WWOX: variants seen among roughly 807,000 people sequenced by gnomAD.
The protein encoded by WWOX is WW domain-containing oxidoreductase.
In WWOX, 69 loss-of-function variants were observed where a neutral mutation model predicts 46.2. The ratio of observed to expected loss-of-function variants is 1.49; its 90% CI spans 1.23 to 1.82. WWOX has a LOEUF of 1.82. Ranked by LOEUF, WWOX falls within the 40% of genes most tolerant of loss-of-function variation. The pLI is 0.00. For synonymous variants in WWOX, 359 were observed against 202.6 expected, an observed-to-expected ratio of 1.77 and a Z score of -6.56; for missense variants, 919 against 542.6, an observed-to-expected ratio of 1.69 and a Z score of -6.89.
intron 4 of WWOX, among the ~76,000 whole-genome samples, chr16:78,141,642 C>G (rs536209049): frequency 6.6e-6 from 1 of 152,176 alleles, no homozygotes; most frequent in African/African-American, 2.4e-5. Flanking sequence ...AGACATACTT[C>G]CATTAAATAC....
intron 8 of WWOX, among the ~76,000 whole-genome samples, chr16:78,683,319 C>T (rs544028023): frequency 1.5e-5 from 2 of 136,210 alleles, no homozygotes; most frequent in African/African-American, 5.2e-5. Flanking sequence ...GGGTGGATTG[C>T]CTGAGCTCAG....
intron 8 of WWOX, among the ~76,000 whole-genome samples, chr16:79,144,311 A>G (rs2050145596): frequency 6.6e-6 from 1 of 152,170 alleles, no homozygotes; most frequent in African/African-American, 2.4e-5. Context: ...AGTCCCTTCA[A>G]CTGATAGATG....
intron 8 of WWOX, among the ~76,000 whole-genome samples, chr16:78,984,106 C>G (rs2046737854): frequency 6.6e-6 from 1 of 152,072 alleles, no homozygotes; most frequent in Admixed American, 6.5e-5. Context: ...TCTCGATCTC[C>G]TGACCTCGTG....
At chr16:78,308,962 C>G (rs1487458051) in intron 5 of WWOX, among the ~76,000 whole-genome samples, 1 of 152,158 alleles carries the variant, frequency 6.6e-6, no homozygotes, top group Non-Finnish European at 1.5e-5. Flanking sequence ...ACTCCTTTAA[C>G]CAATTTCCAA....
chr16:78,455,894 T>C (rs1353704909), intron 8 of WWOX, among the ~76,000 whole-genome samples: 2 of 152,166 alleles, frequency 1.3e-5, no homozygotes, highest in Non-Finnish European at 2.9e-5. Context: ...ATTTTTACAT[T>C]ATTTTAACTA....
chr16:78,334,833 TAC>T (rs907694061), intron 5 of WWOX, among the ~76,000 whole-genome samples: 102 of 104,496 alleles, frequency 9.8e-4, no homozygotes, highest in East Asian at 6.3e-3. Context: ...CACACACACA[TAC>T]ACACACACAC....
intron 8 of WWOX, among the ~76,000 whole-genome samples, chr16:78,478,137 A>T (rs1303021952): frequency 3.3e-5 from 5 of 152,224 alleles, no homozygotes; most frequent in African/African-American, 9.6e-5. Context: ...AAAACACAGC[A>T]AGGTATGTAC....
chr16:78,964,091 C>T (rs966897655), intron 8 of WWOX, among the ~76,000 whole-genome samples: 1 of 152,164 alleles, frequency 6.6e-6, no homozygotes, highest in African/African-American at 2.4e-5. Context: ...CAGGTTATGT[C>T]TTTATCAGCA....
Position 79,212,264 on chromosome 16 carries a change from A to C in WWOX, c.*468A>C. On this transcript the variant is annotated 3_prime_UTR_variant, in exon 9 of 9. Coordinates refer to ENST00000566780, the MANE Select transcript of WWOX (RefSeq NM_016373.4). ...CATTGATCCAGGAGATAATTGTTTC[A>C]TTCATCCTGACCAAGACTGAGCCAG... 2 of 1,282,666 alleles carry C rather than the reference A, an allele frequency of 1.6e-6. No individual in the cohort carries two copies. Among genetic ancestry groups the C allele is most frequent in the Non-Finnish European group, 2.1e-6 (2 of 962,450 alleles). The allele number at this position is 1,282,666 out of a possible 1,614,324, so 79.5% of individuals were successfully genotyped here.
chr16:78,361,353 C>G (rs560936802), intron 5 of WWOX, among the ~76,000 whole-genome samples: 75 of 152,262 alleles, frequency 4.9e-4, no homozygotes, highest in Middle Eastern at 6.8e-3. Context: ...GTGATGTCTG[C>G]TGAGTTTTTC....
At chr16:78,933,367 A>G (rs1300806470) in intron 8 of WWOX, among the ~76,000 whole-genome samples, 1 of 152,220 alleles carries the variant, frequency 6.6e-6, no homozygotes, top group Non-Finnish European at 1.5e-5. Context: ...CGAACCCAGG[A>G]GGCTGAGGTT....
intron 8 of WWOX, among the ~76,000 whole-genome samples, chr16:78,573,858 C>G (rs2044780597): frequency 6.6e-6 from 1 of 152,216 alleles, no homozygotes; most frequent in South Asian, 2.1e-4. Context: ...AATTTTGCAG[C>G]TTAAAACAGC....
chr16:79,209,733 A>G (rs1281944627), intron 8 of WWOX, among the ~76,000 whole-genome samples: 1 of 152,314 alleles, frequency 6.6e-6, no homozygotes, highest in South Asian at 2.1e-4. Flanking sequence ...GAGCATCTCA[A>G]TTCTCCAATT....
At chr16:78,198,749 A>T (rs1052765057) in intron 5 of WWOX, among the ~76,000 whole-genome samples, 2 of 152,020 alleles carry the variant, frequency 1.3e-5, no homozygotes, top group African/African-American at 4.8e-5. Flanking sequence ...GTAACTTCAG[A>T]TTTTGTATAT....
At chr16:78,160,035 CT>C (rs1313529403) in intron 4 of WWOX, among the ~76,000 whole-genome samples, 1 of 151,606 alleles carries the variant, frequency 6.6e-6, no homozygotes, top group Non-Finnish European at 1.5e-5. Context: ...CTTTTTTTCT[CT>C]GTATTTTATG....
chr16:79,133,466 G>A (rs183959838), intron 8 of WWOX, among the ~76,000 whole-genome samples: 9 of 152,270 alleles, frequency 5.9e-5, no homozygotes, highest in Admixed American at 2.0e-4. Flanking sequence ...GAACGAGTAC[G>A]GTCTCTAACA....
intron 8 of WWOX, among the ~76,000 whole-genome samples, chr16:78,852,110 A>T (rs139844415): frequency 6.6e-6 from 1 of 152,178 alleles, no homozygotes; most frequent in Non-Finnish European, 1.5e-5. Context: ...TTTTGAGGTC[A>T]TTTTGTTGTT....
chr16:78,425,625 A>G (rs1350224454), intron 7 of WWOX, among the ~76,000 whole-genome samples: 1 of 152,194 alleles, frequency 6.6e-6, no homozygotes, highest in Admixed American at 6.5e-5. Context: ...AGAATATTCA[A>G]TTGACTGAAA....
chr16:79,110,120 T>C (rs945151732), intron 8 of WWOX, among the ~76,000 whole-genome samples: 6 of 152,172 alleles, frequency 3.9e-5, no homozygotes, highest in African/African-American at 1.2e-4. Context: ...GGACCCCCAT[T>C]TAATCAGCGA....
Sources: gnomAD v4.1 joint callset for allele counts (sites outside exome capture counted in the v4.1 genomes callset) on GRCh38, gnomAD v4.1.1 for gene constraint, MANE v1.5 for transcripts, NCBI Gene and HGNC (gene_info 2026-07-23, HGNC 2026-07-21) for gene names.